Variants in UGT2B7 observed in about 807,000 individuals in gnomAD.
UGT2B7 encodes the protein UDP glucuronosyltransferase family 2 member B7.
Under a neutral mutation model 51.9 loss-of-function variants are expected in UGT2B7, and 51 were observed. The ratio of observed to expected loss-of-function variants is 0.98; its 90% CI spans 0.78 to 1.24. The LOEUF (loss-of-function observed/expected upper bound fraction) is 1.24, where lower values mean the gene tolerates loss of function less well. Among genes scored for constraint, UGT2B7 ranks in the 50% most tolerant of loss-of-function variants. The pLI, the probability that UGT2B7 is intolerant of heterozygous loss-of-function variation, is 0.00. For missense variants in UGT2B7, 727 were observed against 628.4 expected, an observed-to-expected ratio of 1.16 and a Z score of -1.68; for synonymous variants, 225 against 211.6, an observed-to-expected ratio of 1.06 and a Z score of -0.55.
chr4:69,108,688 A>T (rs1719685185), intron 5 of UGT2B7, among the ~76,000 whole-genome samples: 1 of 152,084 alleles, frequency 6.6e-6, no homozygotes, highest in Non-Finnish European at 1.5e-5. Flanking sequence ...TCAGAGTATA[A>T]CCATTTTCTT....
chr4:69,074,901 A>G (rs975649641), intron 1 of UGT2B7, among the ~76,000 whole-genome samples: 4 of 152,122 alleles, frequency 2.6e-5, no homozygotes, highest in East Asian at 1.9e-4. Context: ...TAATGCATGT[A>G]TATGTGTCTG....
chr4:69,068,135 TTC>T (rs1389348423), intron 1 of UGT2B7, among the ~76,000 whole-genome samples: 5 of 152,100 alleles, frequency 3.3e-5, no homozygotes, highest in African/African-American at 1.2e-4. Context: ...AGTTATTCAT[TTC>T]TTTTGTTTTT....
chr4:69,111,710 T>TA (rs1719779131), intron 5 of UGT2B7, among the ~76,000 whole-genome samples: 1 of 152,162 alleles, frequency 6.6e-6, no homozygotes, highest in Non-Finnish European at 1.5e-5. Flanking sequence ...CTCAAAAACT[T>TA]AAACAATTAA....
chr4:69,110,823 A>T (rs1159728707), intron 5 of UGT2B7, among the ~76,000 whole-genome samples: 1 of 152,164 alleles, frequency 6.6e-6, no homozygotes, highest in Non-Finnish European at 1.5e-5. Context: ...TCACCTCAAG[A>T]TAATGTTCAA....
At chr4:69,102,210 G>A (rs1000654656) in intron 2 of UGT2B7, among the ~76,000 whole-genome samples, 16 of 151,872 alleles carry the variant, frequency 1.1e-4, no homozygotes, top group Non-Finnish European at 1.6e-4. Context: ...TTTAGTTTTT[G>A]AAAAACTACC....
chr4:69,070,293 A>T (rs976862597), intron 1 of UGT2B7, among the ~76,000 whole-genome samples: 1 of 147,710 alleles, frequency 6.8e-6, no homozygotes, highest in Admixed American at 6.8e-5. Flanking sequence ...AAATATACTT[A>T]TATATTGTAT....
intron 3 of UGT2B7, 98 bp downstream of exon 3, chr4:69,103,036 G>T: frequency 1.3e-6 from 2 of 1,526,222 alleles, no homozygotes; most frequent in South Asian, 2.6e-5. Flanking sequence ...ATGTGAAGTT[G>T]ACCAAAAGTT....
chr4:69,070,856 G>A (rs528116230), intron 1 of UGT2B7, among the ~76,000 whole-genome samples: 1 of 152,046 alleles, frequency 6.6e-6, no homozygotes, highest in South Asian at 2.1e-4. Flanking sequence ...CTCTTAGCGT[G>A]GCGTTTAGGC....
intron 1 of UGT2B7, among the ~76,000 whole-genome samples, chr4:69,055,695 T>C (rs1189729467): frequency 6.6e-6 from 1 of 152,214 alleles, no homozygotes; most frequent in Non-Finnish European, 1.5e-5. Context: ...AGGAGATCAA[T>C]GGCCATGGGA....
At chr4:69,057,601 T>C (rs979229166) in intron 1 of UGT2B7, among the ~76,000 whole-genome samples, 1 of 152,194 alleles carries the variant, frequency 6.6e-6, no homozygotes. Flanking sequence ...ACAGCACTAT[T>C]ACAAAAGCTC....
upstream of UGT2B7, among the ~76,000 whole-genome samples, chr4:69,093,186 A>G (rs1235237075): frequency 2.0e-5 from 3 of 152,172 alleles, no homozygotes; most frequent in East Asian, 3.9e-4. Context: ...GGTCCCACCC[A>G]GTGAGGTGGA....
At chr4:69,109,195 T>C (rs1449750272) in intron 5 of UGT2B7, among the ~76,000 whole-genome samples, 1 of 152,198 alleles carries the variant, frequency 6.6e-6, no homozygotes, top group Non-Finnish European at 1.5e-5. Context: ...CAATTGTGGC[T>C]ATTAGGAAGA....
intron 3 of UGT2B7, 132 bp from the exon 4 acceptor site, chr4:69,107,043 A>G: frequency 1.0e-6 from 1 of 998,254 alleles, no homozygotes; most frequent in Non-Finnish European, 1.4e-6. Context: ...TGAGTATTCT[A>G]TTTACATTAG....
intron 1 of UGT2B7, among the ~76,000 whole-genome samples, chr4:69,059,869 C>T (rs1468128801): frequency 1.3e-5 from 2 of 152,212 alleles, no homozygotes; most frequent in African/African-American, 4.8e-5. Context: ...AACCCATATA[C>T]TTTAATGGGA....
rs1719246854 is a variant in UGT2B7, at chr4:69,096,843, A to G, written c.323A>G (p.Tyr108Cys). Residue 108 changes from tyrosine (Y) to cysteine (C), a missense_variant, in exon 1 of 6, where the codon TAT (tyrosine) becomes TGT (cysteine). Transcript: ENST00000305231. The part of the protein sequence containing the change: ...SDLPKDTFWL[Y>C]FSQVQEIMSI... ...CTTCCAAAAGATACATTTTGGTTAT[A>G]TTTTTCACAAGTACAGGAAATCATG... is the stretch of plus-strand genomic sequence containing the variant. 1.2e-6 allele frequency: 2 copies of G among 1,613,754 alleles called. No individual in the cohort carries two copies. Among genetic ancestry groups the G allele is most frequent in the Non-Finnish European group, 1.7e-6 (2 of 1,179,856 alleles).
At position 69,074,192 on chromosome 4, in the gene UGT2B7, C is replaced by T. The variant is rs1377470674; in HGVS notation, c.-158-15280C>T. On this transcript the variant is annotated intron_variant, in intron 1 of 5. Transcript: ENST00000502942. ...CTCATCACTACCAAAAATTAAAATA[C>T]TAGTTGGGTGTGGTGTCATGCACCT... Among the ~76,000 whole-genome samples the T allele has an allele frequency of 1.6e-4, 24 of 152,042 alleles. 1 individual carries two copies. The highest frequency in any genetic ancestry group is 1.5e-3 in the Admixed American group (23 of 15,236).
At chr4:69,078,413 A>G (rs1718764951) in intron 1 of UGT2B7, among the ~76,000 whole-genome samples, 1 of 152,284 alleles carries the variant, frequency 6.6e-6, no homozygotes, top group East Asian at 1.9e-4. Context: ...TTCAGCTGTG[A>G]ATCCATCTGG....
intron 1 of UGT2B7, among the ~76,000 whole-genome samples, chr4:69,066,157 A>G (rs1055273004): frequency 2.0e-5 from 3 of 152,184 alleles, no homozygotes; most frequent in Admixed American, 6.5e-5. Context: ...CACTCATAGA[A>G]CAAGGTACAT....
intron 1 of UGT2B7, among the ~76,000 whole-genome samples, chr4:69,064,086 A>AGAGAGAGAG (rs1560499727): frequency 2.9e-5 from 3 of 102,478 alleles, no homozygotes; most frequent in Non-Finnish European, 5.6e-5. Flanking sequence ...GAAAGAAAGA[A>AGAGAGAGAG]AGAAAGAAAG....
Sources: gnomAD v4.1 joint callset for allele counts (sites outside exome capture counted in the v4.1 genomes callset) on GRCh38, gnomAD v4.1.1 for gene constraint, MANE v1.5 for transcripts, NCBI Gene and HGNC (gene_info 2026-07-23, HGNC 2026-07-21) for gene names.